MRPL39: variants seen among roughly 807,000 people sequenced by gnomAD.
The protein encoded by MRPL39 is mitochondrial ribosomal protein L39, also known as large ribosomal subunit protein mL39.
A neutral mutation model predicts 44.5 loss-of-function variants in MRPL39; 35 were observed. That is an observed-to-expected ratio of 0.79 (90% CI 0.60 to 1.04). The LOEUF (loss-of-function observed/expected upper bound fraction) is 1.04. MRPL39 is among the 50% of genes least tolerant of loss of function. The pLI is 0.00. For missense variants in MRPL39, 433 were observed against 413.5 expected (o/e 1.05, Z -0.41); for synonymous variants, 139 against 136.1 (o/e 1.02, Z -0.15).
chr21:25,594,105 A>C, intron 6 of MRPL39, 147 bp from the exon 7 acceptor site: 1 of 650,844 alleles, frequency 1.5e-6, no homozygotes, highest in East Asian at 2.8e-5. Flanking sequence ...CCACAGCCCC[A>C]TGACTCTGCC....
At chr21:25,595,119 T>C (rs1487649330) in intron 6 of MRPL39, among the ~76,000 whole-genome samples, 2 of 152,188 alleles carry the variant, frequency 1.3e-5, no homozygotes, top group African/African-American at 2.4e-5. Context: ...TATTGAGAGC[T>C]TTGTCTGTTT....
intron 6 of MRPL39, 116 bp from the exon 7 acceptor site, chr21:25,594,074 T>C: frequency 2.4e-6 from 2 of 817,092 alleles, no homozygotes; most frequent in South Asian, 3.4e-5. Context: ...AGGTTACACT[T>C]GGAACCTCCC....
At chr21:25,589,619 T>TAAAGAAAACTGTGCA (rs1242168867) in intron 8 of MRPL39, among the ~76,000 whole-genome samples, 2 of 152,170 alleles carry the variant, frequency 1.3e-5, no homozygotes, top group Non-Finnish European at 2.9e-5. Context: ...CAGAATGCAT[T>TAAAGAAAACTGTGCA]AAAGAAAACT....
Position 25,603,864 on chromosome 21 carries a change from G to T in MRPL39, c.352C>A (p.Pro118Thr), listed in dbSNP as rs370291760. The T allele has an allele frequency of 6.8e-6, 11 of 1,612,582 alleles. No homozygotes were observed. Among genetic ancestry groups the T allele is most frequent in the African/African-American group, 1.3e-5 (1 of 74,930 alleles). The stretch of plus-strand genomic sequence containing the variant: ...TTAATTTCACAGGACTTTGTTAAAG[G>T]CTTATACATGTCCCAAGGCTGTCCA... ...VDGQPWDMYKPLTKSCEIKFL... is the reference protein window; with the variant it reads ...VDGQPWDMYKTLTKSCEIKFL... Residue 118 changes from proline to threonine, a missense_variant, in exon 3 of 10, where the codon CCT becomes ACT. Coordinates refer to ENST00000352957, the MANE Select transcript of MRPL39 (RefSeq NM_017446.4).
chr21:25,594,907 A>G (rs1465608375), intron 6 of MRPL39, among the ~76,000 whole-genome samples: 1 of 152,154 alleles, frequency 6.6e-6, no homozygotes, highest in Non-Finnish European at 1.5e-5. Context: ...GTACGATACC[A>G]CCAACCACCC....
At chr21:25,596,546 A>ACAAC (rs71183503) in intron 6 of MRPL39, among the ~76,000 whole-genome samples, 2 of 151,492 alleles carry the variant, frequency 1.3e-5, no homozygotes, top group Non-Finnish European at 3.0e-5. Context: ...AAACACACTC[A>ACAAC]TAACCCAATA....
At chr21:25,598,348 C>T (rs9983518) in intron 5 of MRPL39, among the ~76,000 whole-genome samples, 105,902 of 150,926 alleles carry the variant, frequency 0.7, 38,617 homozygotes, top group Non-Finnish European at 0.82. Context: ...CACCTGCAGT[C>T]CCAGCTACTA....
At chr21:25,597,505 G>A in intron 5 of MRPL39, 91 bp from the exon 6 acceptor site, 2 of 618,686 alleles carry the variant, frequency 3.2e-6, no homozygotes, top group South Asian at 2.5e-5. Flanking sequence ...GCTTAGTACT[G>A]CAAATCCAAC....
Position 25,594,249 on chromosome 21 carries a change from C to T in MRPL39, c.702-291G>A, listed in dbSNP as rs1028226875. 4.6e-4 allele frequency among the ~76,000 whole-genome samples: 25 copies of T among 54,222 alleles called. 8 individuals carry two copies. Among genetic ancestry groups the T allele is most frequent in the Non-Finnish European group, 3.5e-4 (10 of 28,342 alleles). The allele number at this position is 54,222 out of a possible 152,430, so 35.6% of individuals were successfully genotyped here. On this transcript the variant is annotated intron_variant, in intron 6 of 9. Transcript: ENST00000352957. Reference sequence around the variant, plus strand: ...TTCTTTCCATTTTTATTTCTTTGTTCTTTTTTTTTTTTTTTTTTTTGAGGC... The same window carrying T: ...TTCTTTCCATTTTTATTTCTTTGTTTTTTTTTTTTTTTTTTTTTTTGAGGC...
At chr21:25,597,259 T>C in intron 6 of MRPL39, 43 bp downstream of exon 6, 2 of 1,259,234 alleles carry the variant, frequency 1.6e-6, no homozygotes, top group Non-Finnish European at 2.3e-6. Context: ...TTACATATAA[T>C]ACTGGGAGAG....
intron 5 of MRPL39, among the ~76,000 whole-genome samples, 156 bp downstream of exon 5, chr21:25,599,643 T>C (rs201563004): frequency 1.4e-4 from 20 of 147,188 alleles, no homozygotes; most frequent in African/African-American, 3.2e-4. Flanking sequence ...GATAGATAGA[T>C]AGACAGACAG....
At chr21:25,603,160 G>A (rs1325589755) in intron 3 of MRPL39, among the ~76,000 whole-genome samples, 1 of 152,090 alleles carries the variant, frequency 6.6e-6, no homozygotes, top group African/African-American at 2.4e-5. Context: ...CAGTCTCAGG[G>A]AGTTCTTTAT....
At chr21:25,600,408 A>G (rs904392011) in intron 4 of MRPL39, among the ~76,000 whole-genome samples, 30 of 151,136 alleles carry the variant, frequency 2.0e-4, no homozygotes, top group Admixed American at 5.9e-4. Flanking sequence ...AAAAAAAAAA[A>G]AAAAAAAAAT....
Position 25,607,476 on chromosome 21 carries a change from A to G in MRPL39, c.-1T>C, listed in dbSNP as rs1311688168. On this transcript the variant is annotated 5_prime_UTR_variant, in exon 1 of 10. Transcript: ENST00000352957. ...GGGAACCCATGGCCAGCGCCTCCATAGCAGCGGTGAGAACCGTCGCGCGCA... is the reference window on the plus strand; with the variant it reads ...GGGAACCCATGGCCAGCGCCTCCATGGCAGCGGTGAGAACCGTCGCGCGCA... 1.2e-6 allele frequency: 2 copies of G among 1,611,228 alleles called. No homozygotes were observed. Among genetic ancestry groups the G allele is most frequent in the Non-Finnish European group, 1.7e-6 (2 of 1,179,882 alleles).
intron 1 of MRPL39, 88 bp downstream of exon 1, chr21:25,607,315 G>GAACCTCCCC (rs2031713335): frequency 1.8e-5 from 26 of 1,453,158 alleles, no homozygotes; most frequent in South Asian, 1.6e-4. Context: ...CTGCCCCGCG[G>GAACCTCCCC]GACCTCCCCG....
At chr21:25,605,162 T>G (rs1011955094) in intron 2 of MRPL39, among the ~76,000 whole-genome samples, 1 of 152,258 alleles carries the variant, frequency 6.6e-6, no homozygotes. Context: ...TTAAATGGAA[T>G]GGTTACTGAG....
intron 5 of MRPL39, among the ~76,000 whole-genome samples, chr21:25,598,910 T>C (rs187922190): frequency 6.8e-6 from 1 of 146,578 alleles, no homozygotes; most frequent in Admixed American, 6.8e-5. Context: ...CCATCTAATA[T>C]AAGGCTTATA....
intron 4 of MRPL39, among the ~76,000 whole-genome samples, chr21:25,600,299 G>A (rs1002309816): frequency 2.7e-5 from 4 of 150,334 alleles, no homozygotes; most frequent in African/African-American, 9.8e-5. Flanking sequence ...GGGAGTCTGA[G>A]GCAGAAGAAT....
chr21:25,593,083 T>A, intron 7 of MRPL39, 118 bp from the exon 8 acceptor site: 2 of 882,154 alleles, frequency 2.3e-6, no homozygotes, highest in Non-Finnish European at 3.3e-6. Flanking sequence ...ACATTATATA[T>A]GGTTCAATTC....
Sources: gnomAD v4.1 joint callset for allele counts (sites outside exome capture counted in the v4.1 genomes callset) on GRCh38, gnomAD v4.1.1 for gene constraint, MANE v1.5 for transcripts, NCBI Gene and HGNC (gene_info 2026-07-23, HGNC 2026-07-21) for gene names.